Variants in CHML observed in about 807,000 individuals in gnomAD.
CHML encodes the protein CHM like Rab escort protein.
CHML carries 20 observed loss-of-function variants against 30.4 expected under a neutral mutation model. The observed-to-expected ratio is 0.66, with a 90% CI of 0.46 to 0.95. The LOEUF is 0.95. Among genes scored for constraint, CHML ranks in the 40% least tolerant of loss-of-function variants. CHML has a pLI of 0.00. For synonymous variants in CHML, 281 were observed against 275.0 expected (o/e 1.02, Z -0.22); for missense variants, 795 against 768.5 (o/e 1.03, Z -0.41).
chr1:241,634,155 T>C lies in CHML; in HGVS notation c.1612A>G (p.Ile538Val), dbSNP rs576100300. ...GGCTTTGTAAGTTCTTCCTCGTTTA[T>C]TTCTGTTTCAGTATACGGAGTGAAT... is the stretch of plus-strand genomic sequence containing the variant. ...KLFTPYTETE[I>V]NEEELTKPRL... is the part of the protein sequence containing the mutation. The change falls in exon 2 of 2, where the codon ATA becomes GTA. Residue 538 changes from isoleucine (I) to valine (V), a missense_variant. Coordinates refer to ENST00000366553, the MANE Select transcript of CHML (RefSeq NM_001381853.1). 18 of 1,613,656 alleles carry C rather than the reference T, an allele frequency of 1.1e-5. No individual in the cohort carries two copies. In the Admixed American group the frequency reaches 2.2e-4, roughly 19 times the overall value.
chr1:241,636,009 T>C lies in CHML; in HGVS notation c.-243A>G. 4.1e-6 allele frequency: 2 copies of C among 490,688 alleles called. No homozygotes were observed. The highest frequency in any genetic ancestry group is 7.2e-6 in the Non-Finnish European group (2 of 278,556). 30.4% of individuals were successfully genotyped at this position (490,688 alleles called of 1,614,324 possible). ...TAAAATGGATGTGTGGTTTCATTTC[T>C]GCATTTCATCTTAGCAGTAAATGTC... On this transcript the variant is annotated 5_prime_UTR_variant, in exon 2 of 2. Coordinates refer to ENST00000366553, the MANE Select transcript of CHML (RefSeq NM_001381853.1).
chr1:241,639,435 T>C (rs1476226442), intron 1 of CHML, among the ~76,000 whole-genome samples: 1 of 152,188 alleles, frequency 6.6e-6, no homozygotes, highest in African/African-American at 2.4e-5. Context: ...AGTACATGAA[T>C]CTAATCTCAT....
chr1:241,634,170 A>C lies in CHML; in HGVS notation c.1597T>G (p.Tyr533Asp). 1 of 1,613,966 alleles carries C rather than the reference A, an allele frequency of 6.2e-7. No homozygotes were observed. Among genetic ancestry groups the C allele is most frequent in the Non-Finnish European group, 8.5e-7 (1 of 1,179,888 alleles). Residue 533 changes from tyrosine (Y) to aspartate (D), a missense_variant, in exon 2 of 2, where the codon TAT (tyrosine) becomes GAT (aspartate). Coordinates refer to ENST00000366553, the MANE Select transcript of CHML (RefSeq NM_001381853.1). ...ESVVKKLFTP[Y>D]TETEINEEEL... ...TCCTCGTTTATTTCTGTTTCAGTAT[A>C]CGGAGTGAATAATTTCTTCACCACT...
Position 241,635,531 on chromosome 1 carries a change from A to G in CHML, c.236T>C (p.Leu79Pro). 1 of 1,614,016 alleles carries G rather than the reference A, an allele frequency of 6.2e-7. No homozygotes were observed. The highest frequency in any genetic ancestry group is 8.5e-7 in the Non-Finnish European group (1 of 1,179,948). Residue 79 changes from leucine (L) to proline (P), a missense_variant, in exon 2 of 2, where the codon CTG (leucine) becomes CCG (proline). Coordinates refer to ENST00000366553, the MANE Select transcript of CHML (RefSeq NM_001381853.1). ...GEESTVVWQD[L>P]IHETEEAITL... ...GATGGCTTCTTCTGTTTCATGGATC[A>G]GGTCCTGCCATACAACAGTACTTTC...
chr1:241,633,949 G>A lies in CHML; in HGVS notation c.1818C>T (p.Phe606=). The A allele has an allele frequency of 1.2e-6, 2 of 1,613,910 alleles. No homozygotes were observed. The highest frequency in any genetic ancestry group is 1.7e-6 in the Non-Finnish European group (2 of 1,179,834). ...CTTCTGGATTTGGAGGTGGAGGGCA[G>A]AATTCTTCAGTTGGAAAGATCTCCT... ...LFQEIFPTEE[F]CPPPPNPEDI... is the part of the protein sequence containing the mutation. The change falls in exon 2 of 2, where the codon TTC becomes TTT. Residue 606 remains phenylalanine, a synonymous_variant. Transcript: ENST00000366553.
At position 241,633,807 on chromosome 1, in the gene CHML, G is replaced by C; in HGVS notation, c.1960C>G (p.Leu654Val). 6.2e-7 allele frequency: 1 copy of C among 1,613,414 alleles called. No homozygotes were observed. Among genetic ancestry groups the C allele is most frequent in the East Asian group, 2.2e-5 (1 of 44,870 alleles). Reference sequence around the variant, plus strand: ...GAGATTGCTCTTTTCTAATTTTGAAGGTGCTTCTCTGGGCTTTCTAGGTTT... The same window carrying C: ...GAGATTGCTCTTTTCTAATTTTGAACGTGCTTCTCTGGGCTTTCTAGGTTT... ...SKNLESPEKHLQN is the reference protein window; with the variant it reads ...SKNLESPEKHVQN Residue 654 changes from leucine (L) to valine (V), a missense_variant, in exon 2 of 2, where the codon CTT becomes GTT. Physicochemically the swap from Leu to Val is conservative, Grantham distance 32. Coordinates refer to ENST00000366553, the MANE Select transcript of CHML (RefSeq NM_001381853.1).
Position 241,635,604 on chromosome 1 carries a change from A to G in CHML, c.163T>C (p.Leu55=), listed in dbSNP as rs904185374. 1 of 1,613,984 alleles carries G rather than the reference A, an allele frequency of 6.2e-7. No individual in the cohort carries two copies. Among genetic ancestry groups the G allele is most frequent in the African/African-American group, 1.3e-5 (1 of 74,926 alleles). ...GNWASFSFSG[L]LSWLKEYQQN... ...TGATACTCCTTCAACCAGGATAGCAATCCTGAAAAGCTGAAACTAGCCCAG... is the reference window on the plus strand; with the variant it reads ...TGATACTCCTTCAACCAGGATAGCAGTCCTGAAAAGCTGAAACTAGCCCAG... The change falls in exon 2 of 2, where the codon TTG becomes CTG. Residue 55 remains leucine, a synonymous_variant. Transcript: ENST00000366553.
Position 241,634,449 on chromosome 1 carries a change from A to G in CHML, c.1318T>C (p.Tyr440His), listed in dbSNP as rs1173571041. The G allele has an allele frequency of 6.2e-7, 1 of 1,613,752 alleles. No individual in the cohort carries two copies. The highest frequency in any genetic ancestry group is 2.2e-5 in the East Asian group (1 of 44,886). Residue 440 changes from tyrosine to histidine, a missense_variant, in exon 2 of 2, where the codon TAC (tyrosine) becomes CAC (histidine). Transcript: ENST00000366553. ...TTTGAGCATGTTTCCTCAGAAAGGT[A>G]ACTGTCTTCCACAATAAAATATTTA... ...NAKYFIVEDS[Y>H]LSEETCSNVQ...
rs1468324686 is a variant in CHML, at chr1:241,638,088, G to GC, written c.-308+1793dup. 2.4e-4 allele frequency among the ~76,000 whole-genome samples: 36 copies of GC among 152,204 alleles called. No homozygotes were observed. In the South Asian group the frequency reaches 5.8e-3, roughly 25 times the overall value. On this transcript the variant is annotated intron_variant, in intron 1 of 1. Coordinates refer to ENST00000366553, the MANE Select transcript of CHML (RefSeq NM_001381853.1). ...TCTATAGTAACTTCACTACTAACTTGCCCCCCAGGGCTTAAGTCTCGGAAT... is the reference window on the plus strand; with the variant it reads ...TCTATAGTAACTTCACTACTAACTTGCCCCCCCAGGGCTTAAGTCTCGGAAT...
At chr1:241,638,744 TTTC>T (rs1364262967) in intron 1 of CHML, among the ~76,000 whole-genome samples, 1 of 152,208 alleles carries the variant, frequency 6.6e-6, no homozygotes, top group Non-Finnish European at 1.5e-5. Flanking sequence ...TAAAATCTAT[TTTC>T]TTATTTCCTT....
rs895526846 is a variant in CHML at position 241,635,913 on chromosome 1, A to G, written c.-147T>C. On this transcript the variant is annotated 5_prime_UTR_variant, in exon 2 of 2. Transcript: ENST00000366553. ...TAGCTGTTTAACGGTTACCCTTTTA[A>G]AATATTTTTTTTCTTATAAGTCAGT... 26 of 731,216 alleles carry G rather than the reference A, an allele frequency of 3.6e-5. No individual in the cohort carries two copies. In the African/African-American group the frequency reaches 4.3e-4, roughly 12 times the overall value. 45.3% of individuals were successfully genotyped at this position (731,216 alleles called of 1,614,324 possible). A position where few individuals can be genotyped will look rare whatever the true frequency, so the allele number is the denominator to read the frequency against.
Position 241,634,462 on chromosome 1 carries a change from A to T in CHML, c.1305T>A (p.Ile435=), listed in dbSNP as rs531402599. 1.1e-5 allele frequency: 18 copies of T among 1,613,772 alleles called. No individual in the cohort carries two copies. In the South Asian group the frequency reaches 1.9e-4, roughly 17 times the overall value. The change falls in exon 2 of 2, where the codon ATT becomes ATA. Residue 435 remains isoleucine (I), a synonymous_variant. Transcript: ENST00000366553. ...CCTCAGAAAGGTAACTGTCTTCCAC[A>T]ATAAAATATTTAGCATTTATTCTTT... is the stretch of plus-strand genomic sequence containing the variant. The part of the protein sequence containing the change: ...FGQRINAKYF[I]VEDSYLSEET...
Position 241,635,749 on chromosome 1 carries a change from G to C in CHML, c.18C>G (p.Pro6=). The change falls in exon 2 of 2, where the codon CCC becomes CCG. Residue 6 remains proline (P), a synonymous_variant. Coordinates refer to ENST00000366553, the MANE Select transcript of CHML (RefSeq NM_001381853.1). MADNL[P]TEFDVVIIGT... is the part of the protein sequence containing the mutation. ...CTATTATAACCACATCAAACTCTGTGGGAAGATTGTCCGCCATTTTAGGAA... is the reference window on the plus strand; with the variant it reads ...CTATTATAACCACATCAAACTCTGTCGGAAGATTGTCCGCCATTTTAGGAA... 7.5e-6 allele frequency: 12 copies of C among 1,609,420 alleles called. No homozygotes were observed. The highest frequency in any genetic ancestry group is 1.0e-5 in the Non-Finnish European group (12 of 1,177,018).
Position 241,640,187 on chromosome 1 carries a change from C to A in CHML, c.-613G>T. 1 of 1,383,660 alleles carries A rather than the reference C, an allele frequency of 7.2e-7. No individual in the cohort carries two copies. The highest frequency in any genetic ancestry group is 9.3e-7 in the Non-Finnish European group (1 of 1,074,432). 85.7% of individuals were successfully genotyped at this position (1,383,660 alleles called of 1,614,324 possible). A position where few individuals can be genotyped will look rare whatever the true frequency, so the allele number is the denominator to read the frequency against. On this transcript the variant is annotated 5_prime_UTR_variant, in exon 1 of 2. Transcript: ENST00000366553. The stretch of plus-strand genomic sequence containing the variant: ...GCTCAGTGTCCCCGCCGGCGCCGGC[C>A]CCTCAGCGCCCGCGGCCCCGCCGCC...
rs146146463 is a variant in CHML, at chr1:241,632,283, T to C, written c.*1513A>G. 0.016 allele frequency: 2,451 copies of C among 153,272 alleles called. 33 individuals carry two copies. Among genetic ancestry groups the C allele is most frequent in the Non-Finnish European group, 0.025 (1,709 of 68,840 alleles). 9.5% of individuals were successfully genotyped at this position (153,272 alleles called of 1,614,324 possible). ...TGAGGCCTCCCCAGCCACATGGAAC[T>C]GTGAGTCCATTAAACCTTTTTCTTT... On this transcript the variant is annotated 3_prime_UTR_variant, in exon 2 of 2. Transcript: ENST00000366553.
Position 241,633,858 on chromosome 1 carries a change from T to A in CHML, c.1909A>T (p.Lys637Ter). The A allele has an allele frequency of 6.2e-7, 1 of 1,613,926 alleles. No individual in the cohort carries two copies. Among genetic ancestry groups the A allele is most frequent in the South Asian group, 1.1e-5 (1 of 91,072 alleles). The change falls in exon 2 of 2, where the codon AAA becomes TAA. Residue 637 changes from lysine to a stop codon, truncating the protein, a stop_gained. Transcript: ENST00000366553. LOFTEE classifies it low-confidence loss of function (END_TRUNC). ...TTGCTTTCCTCAGAGGATTCTAGTT[T>A]GGCCATTACTACATTATTGGTTCCA... ...APGTNNVVMA[K>*]LESSEESKNL...
chr1:241,634,464 T>A lies in CHML; in HGVS notation c.1303A>T (p.Ile435Phe). ...FGQRINAKYF[I>F]VEDSYLSEET... ...TCAGAAAGGTAACTGTCTTCCACAA[T>A]AAAATATTTAGCATTTATTCTTTGA... The change falls in exon 2 of 2, where the codon ATT (isoleucine) becomes TTT (phenylalanine). Residue 435 changes from isoleucine (I) to phenylalanine (F), a missense_variant. By Grantham distance (21) the Ile-to-Phe change is conservative. Coordinates refer to ENST00000366553, the MANE Select transcript of CHML (RefSeq NM_001381853.1). The A allele has an allele frequency of 6.2e-7, 1 of 1,613,720 alleles. No individual in the cohort carries two copies. Among genetic ancestry groups the A allele is most frequent in the Non-Finnish European group, 8.5e-7 (1 of 1,179,912 alleles).
In CHML at chr1:241,634,464, T is replaced by G. The variant is rs1315781912; in HGVS notation, c.1303A>C (p.Ile435Leu). ...TCAGAAAGGTAACTGTCTTCCACAA[T>G]AAAATATTTAGCATTTATTCTTTGA... ...FGQRINAKYF[I>L]VEDSYLSEET... Residue 435 changes from isoleucine to leucine, a missense_variant, in exon 2 of 2, where the codon ATT becomes CTT. By Grantham distance (5) the Ile-to-Leu change is conservative (BLOSUM62 2). Transcript: ENST00000366553. The G allele has an allele frequency of 6.2e-7, 1 of 1,613,720 alleles. No individual in the cohort carries two copies. The highest frequency in any genetic ancestry group is 1.7e-5 in the Admixed American group (1 of 60,008).
chr1:241,638,405 G>A (rs957767075), intron 1 of CHML, among the ~76,000 whole-genome samples: 1 of 152,084 alleles, frequency 6.6e-6, no homozygotes, highest in Non-Finnish European at 1.5e-5. Context: ...TCCCGGGCAC[G>A]AAAACAGAAT....
Sources: gnomAD v4.1 joint callset for allele counts (sites outside exome capture counted in the v4.1 genomes callset) on GRCh38, gnomAD v4.1.1 for gene constraint, MANE v1.5 for transcripts, NCBI Gene and HGNC (gene_info 2026-07-23, HGNC 2026-07-21) for gene names.